The following CHST11 variants were observed in gnomAD, a reference collection of about 807,000 sequenced individuals.
The protein encoded by CHST11 is carbohydrate sulfotransferase 11, also known as C4S-1.
A neutral mutation model predicts 30.4 loss-of-function variants in CHST11; 9 were observed. That is an observed-to-expected ratio of 0.30 (90% CI 0.18 to 0.52). The LOEUF (loss-of-function observed/expected upper bound fraction) is 0.52. CHST11 is among the 20% of genes least tolerant of loss of function. The pLI is 0.97. For synonymous variants in CHST11, 152 were observed against 187.8 expected, an observed-to-expected ratio of 0.81 and a Z score of 1.56; for missense variants, 348 against 460.6, an observed-to-expected ratio of 0.76 and a Z score of 2.24.
chr12:104,541,852 C>T (rs552700217), intron 1 of CHST11, among the ~76,000 whole-genome samples: 3 of 152,160 alleles, frequency 2.0e-5, no homozygotes, highest in African/African-American at 7.2e-5. Context: ...TTGCTTGAAC[C>T]CAGGAGGCGG....
intron 1 of CHST11, among the ~76,000 whole-genome samples, chr12:104,582,289 C>T (rs565249905): frequency 6.6e-6 from 1 of 152,026 alleles, no homozygotes; most frequent in Non-Finnish European, 1.5e-5. Context: ...AGTGGAGGGG[C>T]CAGGATTTGA....
At chr12:104,669,175 G>C (rs1057226212) in intron 2 of CHST11, among the ~76,000 whole-genome samples, 1 of 152,090 alleles carries the variant, frequency 6.6e-6, no homozygotes, top group Admixed American at 6.5e-5. Flanking sequence ...GAATGTTCCC[G>C]GGCAGCCAGA....
chr12:104,715,835 T>C (rs1257210090), intron 2 of CHST11, among the ~76,000 whole-genome samples: 1 of 152,132 alleles, frequency 6.6e-6, no homozygotes, highest in Non-Finnish European at 1.5e-5. Context: ...AGGCTGTTGT[T>C]GGAATAAATG....
intron 1 of CHST11, among the ~76,000 whole-genome samples, chr12:104,538,554 T>G (rs79689341): frequency 1.3e-5 from 2 of 152,140 alleles, no homozygotes; most frequent in Non-Finnish European, 2.9e-5. Flanking sequence ...AGAATATATA[T>G]TTTTTGAACT....
chr12:104,717,161 C>T (rs1231423914), intron 2 of CHST11, among the ~76,000 whole-genome samples: 1 of 152,194 alleles, frequency 6.6e-6, no homozygotes, highest in South Asian at 2.1e-4. Context: ...CATCTGCTAC[C>T]TTGATTCCCC....
chr12:104,715,102 C>G (rs1380105956), intron 2 of CHST11, among the ~76,000 whole-genome samples: 1 of 152,164 alleles, frequency 6.6e-6, no homozygotes, highest in African/African-American at 2.4e-5. Context: ...TGGTGGCTCA[C>G]GCCTGTAATC....
intron 2 of CHST11, among the ~76,000 whole-genome samples, chr12:104,744,512 A>G (rs564023991): frequency 4.5e-4 from 69 of 152,146 alleles, no homozygotes; most frequent in African/African-American, 1.4e-3. Context: ...CCTTTGTCGG[A>G]TGCATAGTTC....
chr12:104,591,407 G>A (rs564020122), intron 1 of CHST11, among the ~76,000 whole-genome samples: 2 of 152,130 alleles, frequency 1.3e-5, no homozygotes, highest in African/African-American at 2.4e-5. Flanking sequence ...ATGATGGCTT[G>A]TACCAGGGCG....
chr12:104,665,276 G>A (rs949924107), intron 2 of CHST11, among the ~76,000 whole-genome samples: 1 of 152,214 alleles, frequency 6.6e-6, no homozygotes, highest in African/African-American at 2.4e-5. Context: ...TAAAAGGCCA[G>A]CATACTAATA....
chr12:104,641,058 G>A (rs1171666329), intron 2 of CHST11, among the ~76,000 whole-genome samples: 2 of 152,186 alleles, frequency 1.3e-5, no homozygotes, highest in Non-Finnish European at 2.9e-5. Context: ...GGGACAGCTT[G>A]ATGGCATAGC....
chr12:104,538,089 C>A (rs1418045761), intron 1 of CHST11, among the ~76,000 whole-genome samples: 1 of 152,156 alleles, frequency 6.6e-6, no homozygotes, highest in Non-Finnish European at 1.5e-5. Context: ...CTCAGATTTT[C>A]TTAGTTGTTA....
chr12:104,598,786 T>G (rs193049510), intron 1 of CHST11, among the ~76,000 whole-genome samples: 31 of 152,296 alleles, frequency 2.0e-4, no homozygotes, highest in Admixed American at 1.8e-3. Context: ...GCTCCTTCTT[T>G]CCTCTTGGGG....
At chr12:104,750,166 T>C (rs1309968857) in intron 2 of CHST11, among the ~76,000 whole-genome samples, 1 of 151,796 alleles carries the variant, frequency 6.6e-6, no homozygotes, top group African/African-American at 2.4e-5. Flanking sequence ...TTTTACCAAG[T>C]AAAGGTCAAA....
chr12:104,654,111 G>A (rs768420698), intron 2 of CHST11, among the ~76,000 whole-genome samples: 20 of 152,136 alleles, frequency 1.3e-4, no homozygotes, highest in Admixed American at 2.6e-4. Context: ...GCTAGGTGCC[G>A]GGGATGCAGA....
intron 1 of CHST11, 131 bp from the exon 2 acceptor site, chr12:104,601,774 TC>T: frequency 1.5e-6 from 1 of 676,932 alleles, no homozygotes; most frequent in Non-Finnish European, 2.6e-6. Flanking sequence ...AGTGTGGAAA[TC>T]TTCCTTTGCT....
At chr12:104,733,007 C>T (rs1263178532) in intron 2 of CHST11, among the ~76,000 whole-genome samples, 5 of 152,194 alleles carry the variant, frequency 3.3e-5, no homozygotes, top group Non-Finnish European at 7.3e-5. Context: ...TGCTCCACAC[C>T]CTTGTGTAGT....
rs551828067 is a variant in CHST11 at position 104,741,443 on chromosome 12, C to T, written c.205-15506C>T. Among the ~76,000 whole-genome samples the T allele has an allele frequency of 3.9e-5, 6 of 152,308 alleles. No individual in the cohort carries two copies. In the South Asian group the frequency reaches 1.0e-3, roughly 26 times the overall value. On this transcript the variant is annotated intron_variant, in intron 2 of 2. Coordinates refer to ENST00000303694, the MANE Select transcript of CHST11 (RefSeq NM_018413.6). Reference sequence around the variant, plus strand: ...CGTGCCTTTGGAACAATGGAGAAATCGGGTATTGTTAAAACATGCTGCTTG... The same window carrying T: ...CGTGCCTTTGGAACAATGGAGAAATTGGGTATTGTTAAAACATGCTGCTTG...
chr12:104,569,236 C>T (rs113702079), intron 1 of CHST11, among the ~76,000 whole-genome samples: 2,310 of 152,202 alleles, frequency 0.015, 16 homozygotes, highest in Non-Finnish European at 0.024. Context: ...GTTATTCTGA[C>T]GGAAGAAATT....
At chr12:104,604,777 T>A (rs1416050989) in intron 2 of CHST11, among the ~76,000 whole-genome samples, 1 of 152,232 alleles carries the variant, frequency 6.6e-6, no homozygotes, top group Non-Finnish European at 1.5e-5. Context: ...ACTGCTTATT[T>A]GGGCTTGATA....
Sources: allele counts gnomAD v4.1 joint callset (sites outside exome capture counted in the v4.1 genomes callset), GRCh38; gene constraint gnomAD v4.1.1; transcripts MANE v1.5; gene names NCBI Gene and HGNC (gene_info 2026-07-23, HGNC 2026-07-21).